The following SUPT3H variants were observed in gnomAD, a reference collection of about 807,000 sequenced individuals.
The protein encoded by SUPT3H is transcription initiation protein SPT3 homolog.
A neutral mutation model predicts 44.3 loss-of-function variants in SUPT3H; 44 were observed. The observed-to-expected ratio is 0.99, with a 90% CI of 0.78 to 1.28. SUPT3H has a LOEUF of 1.28. SUPT3H is among the 50% of genes most tolerant of loss of function. The probability of loss-of-function intolerance (pLI) is 0.00; values close to 1 mark genes in which losing one functional copy is unlikely to be tolerated. For synonymous variants in SUPT3H, 124 were observed against 125.6 expected (o/e 0.99, Z 0.09); for missense variants, 380 against 387.1 (o/e 0.98, Z 0.15).
intron 3 of SUPT3H, among the ~76,000 whole-genome samples, chr6:45,020,921 C>A (rs1785041893): frequency 6.6e-6 from 1 of 151,822 alleles, no homozygotes; most frequent in South Asian, 2.1e-4. Flanking sequence ...CATTAATGCA[C>A]CTGAAAATGA....
At chr6:44,938,812 T>C (rs1771915988) in intron 9 of SUPT3H, among the ~76,000 whole-genome samples, 1 of 152,206 alleles carries the variant, frequency 6.6e-6, no homozygotes, top group Non-Finnish European at 1.5e-5. Flanking sequence ...TATTACTAGA[T>C]ATTTTGTTAT....
intron 7 of SUPT3H, among the ~76,000 whole-genome samples, chr6:44,960,967 G>A (rs535108182): frequency 9.2e-5 from 14 of 152,186 alleles, no homozygotes; most frequent in African/African-American, 3.4e-4. Flanking sequence ...CCACATAATA[G>A]CTTTCCATTT....
chr6:45,054,789 C>A (rs1228225934), intron 3 of SUPT3H, among the ~76,000 whole-genome samples: 1 of 152,082 alleles, frequency 6.6e-6, no homozygotes, highest in Non-Finnish European at 1.5e-5. Flanking sequence ...CCTGTACACC[C>A]TGAGCAGACT....
At chr6:45,158,959 C>T (rs1808476785) in intron 2 of SUPT3H, 1 of 152,130 alleles carries the variant, frequency 6.6e-6, no homozygotes, top group Admixed American at 6.6e-5. Context: ...GCAAGGAAGA[C>T]ACATTTCAAT....
At chr6:45,180,604 A>T (rs1812968460) in intron 2 of SUPT3H, among the ~76,000 whole-genome samples, 1 of 151,834 alleles carries the variant, frequency 6.6e-6, no homozygotes, top group Non-Finnish European at 1.5e-5. Flanking sequence ...CCTGAGAAAA[A>T]CAAGCAATGG....
chr6:45,332,648 T>C (rs1467314479), intron 2 of SUPT3H, among the ~76,000 whole-genome samples: 5 of 151,774 alleles, frequency 3.3e-5, no homozygotes, highest in Admixed American at 2.0e-4. Flanking sequence ...CAAAAATCTT[T>C]AGACATTTTA....
intron 2 of SUPT3H, chr6:45,328,211 C>T (rs1175765838): frequency 8.6e-7 from 1 of 1,156,164 alleles, no homozygotes; most frequent in Non-Finnish European, 1.1e-6. Context: ...GTAGGCAGTC[C>T]CACTTTACTT....
At chr6:44,815,189 CTGAG>C (rs1216711561) in intron 11 of SUPT3H, among the ~76,000 whole-genome samples, 1 of 150,810 alleles carries the variant, frequency 6.6e-6, no homozygotes, top group Non-Finnish European at 1.5e-5. Flanking sequence ...TCTGAGTCTT[CTGAG>C]TTTTTTGTTT....
chr6:45,148,831 C>T (rs1390689351), intron 2 of SUPT3H, among the ~76,000 whole-genome samples: 2 of 152,060 alleles, frequency 1.3e-5, no homozygotes, highest in Admixed American at 6.6e-5. Flanking sequence ...CCCCATTTTC[C>T]CGTAAGTCCT....
At chr6:44,889,990 C>G (rs992824453) in intron 10 of SUPT3H, among the ~76,000 whole-genome samples, 4 of 151,082 alleles carry the variant, frequency 2.6e-5, no homozygotes, top group Admixed American at 2.0e-4. Context: ...ATTTATGCAG[C>G]CAAAAACACA....
chr6:45,339,358 T>C (rs897923644), intron 2 of SUPT3H, among the ~76,000 whole-genome samples: 5 of 152,164 alleles, frequency 3.3e-5, no homozygotes, highest in African/African-American at 1.2e-4. Flanking sequence ...TTAGCCAAGA[T>C]TGTGAGCCAA....
In SUPT3H at chr6:44,888,610, C is replaced by G. The variant is rs1245900802; in HGVS notation, c.912+44043G>C. On this transcript the variant is annotated intron_variant, in intron 10 of 10. Coordinates refer to ENST00000371459, the MANE Select transcript of SUPT3H (RefSeq NM_003599.4). ...TCAATAAATTAGGTATTGATGGGAC[C>G]TATCACAAAATAACAAGAGCTATCT... Among the ~76,000 whole-genome samples the G allele has an allele frequency of 5.3e-5, 8 of 152,186 alleles. No individual in the cohort carries two copies. The East Asian group carries it at 1.4e-3, about 26-fold the overall frequency.
intron 10 of SUPT3H, among the ~76,000 whole-genome samples, chr6:44,904,012 G>C (rs1187742960): frequency 6.6e-6 from 1 of 152,080 alleles, no homozygotes; most frequent in Non-Finnish European, 1.5e-5. Context: ...AATAAATTAG[G>C]TATTGATGGG....
rs375342001 is a variant in SUPT3H, at chr6:45,147,199, TCA to T, written c.102-41195_102-41194del. Among the ~76,000 whole-genome samples the T allele has an allele frequency of 3.3e-4, 50 of 152,248 alleles. 1 individual carries two copies. In the South Asian group the frequency reaches 9.3e-3, roughly 28 times the overall value. Reference sequence around the variant, plus strand: ...TAACCAAGGAGTCTTCAGTCTAGCTTCACAGACTGTTCTCCTGACTACTACAT... The same window carrying T: ...TAACCAAGGAGTCTTCAGTCTAGCTTCAGACTGTTCTCCTGACTACTACAT... On this transcript the variant is annotated intron_variant, in intron 2 of 10. Transcript: ENST00000371459.
intron 2 of SUPT3H, among the ~76,000 whole-genome samples, chr6:45,275,659 G>A (rs922672752): frequency 6.6e-6 from 1 of 152,114 alleles, no homozygotes; most frequent in African/African-American, 2.4e-5. Flanking sequence ...TTAGTTAATA[G>A]TATGATAAAA....
At chr6:44,889,026 A>G (rs1459975459) in intron 10 of SUPT3H, among the ~76,000 whole-genome samples, 2 of 148,538 alleles carry the variant, frequency 1.3e-5, no homozygotes, top group African/African-American at 2.5e-5. Flanking sequence ...ATTGCTTCAA[A>G]GAGAATAAAA....
chr6:44,903,920 A>G (rs1402755704), intron 10 of SUPT3H, among the ~76,000 whole-genome samples: 1 of 152,206 alleles, frequency 6.6e-6, no homozygotes, highest in Non-Finnish European at 1.5e-5. Flanking sequence ...AACAGAACCA[A>G]TGGCAAAAAA....
intron 2 of SUPT3H, among the ~76,000 whole-genome samples, chr6:45,278,403 C>G (rs1008970692): frequency 6.6e-6 from 1 of 152,122 alleles, no homozygotes; most frequent in Non-Finnish European, 1.5e-5. Context: ...TAAACTGTTG[C>G]CTTTCAAAGT....
rs774523235 is a variant in SUPT3H at position 45,003,646 on chromosome 6, A to G, written c.504+7T>C. 5.0e-6 allele frequency: 8 copies of G among 1,613,032 alleles called. No individual in the cohort carries two copies. Among genetic ancestry groups the G allele is most frequent in the Non-Finnish European group, 6.8e-6 (8 of 1,179,514 alleles). ...TATTTCTGTAAAAAGGGAAGAATGT[A>G]CTATACCTCCATTCTTTCTTGTTTA... On this transcript the variant is annotated splice_region_variant and intron_variant, in intron 6 of 10. Coordinates refer to ENST00000371459, the MANE Select transcript of SUPT3H (RefSeq NM_003599.4).
Sources: allele counts gnomAD v4.1 joint callset (sites outside exome capture counted in the v4.1 genomes callset), GRCh38; gene constraint gnomAD v4.1.1; transcripts MANE v1.5; gene names NCBI Gene and HGNC (gene_info 2026-07-23, HGNC 2026-07-21).